Variants in GPC6 observed in about 807,000 individuals in gnomAD.
The protein encoded by GPC6 is glypican 6.
In GPC6, 14 loss-of-function variants were observed where a neutral mutation model predicts 55.2. The observed-to-expected ratio is 0.25, with a 90% CI of 0.17 to 0.40. The LOEUF (loss-of-function observed/expected upper bound fraction) is 0.40, where lower values mean the gene tolerates loss of function less well. Among genes scored for constraint, GPC6 ranks in the 10% least tolerant of loss-of-function variants. The pLI, the probability that GPC6 is intolerant of heterozygous loss-of-function variation, is 1.00. For synonymous variants in GPC6, 278 were observed against 259.6 expected (o/e 1.07, Z -0.68); for missense variants, 641 against 708.5 (o/e 0.90, Z 1.08).
At chr13:93,748,456 A>T (rs1367143905) in intron 2 of GPC6, among the ~76,000 whole-genome samples, 1 of 151,858 alleles carries the variant, frequency 6.6e-6, no homozygotes, top group Non-Finnish European at 1.5e-5. Flanking sequence ...TAAGTAATTT[A>T]AAAGTTTATC....
intron 2 of GPC6, among the ~76,000 whole-genome samples, chr13:93,687,190 T>G (rs1882081011): frequency 6.6e-6 from 1 of 152,134 alleles, no homozygotes; most frequent in Non-Finnish European, 1.5e-5. Context: ...TGTACTGAAT[T>G]ATCTTTCTTC....
intron 4 of GPC6, among the ~76,000 whole-genome samples, chr13:94,186,120 C>CAT (rs1889179073): frequency 7.2e-6 from 1 of 138,072 alleles, no homozygotes; most frequent in Non-Finnish European, 1.6e-5. Flanking sequence ...TATATGTTCA[C>CAT]ATAGACCTTT....
chr13:93,962,341 A>G (rs7323264), intron 3 of GPC6, among the ~76,000 whole-genome samples: 35,211 of 152,108 alleles, frequency 0.23, 4,630 homozygotes, highest in East Asian at 0.39. Context: ...GAATGGTCGC[A>G]TGAAAGGATA....
chr13:93,566,660 C>T (rs895838685), intron 2 of GPC6, among the ~76,000 whole-genome samples: 1 of 150,984 alleles, frequency 6.6e-6, no homozygotes, highest in African/African-American at 2.5e-5. Context: ...TGGTTTGCTG[C>T]AACCATCAAC....
At chr13:93,477,455 G>A (rs1387469064) in intron 1 of GPC6, among the ~76,000 whole-genome samples, 1 of 152,110 alleles carries the variant, frequency 6.6e-6, no homozygotes, top group Non-Finnish European at 1.5e-5. Flanking sequence ...GGTTTGGGCT[G>A]ATAGTAACAT....
chr13:93,972,836 T>G (rs890875017), intron 3 of GPC6, among the ~76,000 whole-genome samples: 1 of 152,054 alleles, frequency 6.6e-6, no homozygotes, highest in African/African-American at 2.4e-5. Context: ...CCAAAAAGCC[T>G]TGCATTTGTA....
chr13:93,639,529 G>C (rs1879823398), intron 2 of GPC6, among the ~76,000 whole-genome samples: 1 of 152,022 alleles, frequency 6.6e-6, no homozygotes, highest in African/African-American at 2.4e-5. Flanking sequence ...AAGTGTAAAA[G>C]CAAAAGGCTG....
chr13:94,175,237 G>A (rs1397039942), intron 4 of GPC6, among the ~76,000 whole-genome samples: 1 of 152,144 alleles, frequency 6.6e-6, no homozygotes, highest in Admixed American at 6.6e-5. Flanking sequence ...AAAGGGTCAG[G>A]TGGTAAATAT....
intron 3 of GPC6, among the ~76,000 whole-genome samples, chr13:94,022,307 C>A (rs1882727299): frequency 1.3e-5 from 2 of 151,906 alleles, no homozygotes; most frequent in Non-Finnish European, 2.9e-5. Flanking sequence ...ACCCTTTTTC[C>A]CCAGATGCCA....
chr13:94,086,271 G>A (rs1156875617), intron 4 of GPC6, among the ~76,000 whole-genome samples: 1 of 152,146 alleles, frequency 6.6e-6, no homozygotes, highest in Non-Finnish European at 1.5e-5. Flanking sequence ...TCTGTCTTGA[G>A]TGCTAGAGTA....
chr13:93,944,506 CCTT>C (rs1345933895), intron 3 of GPC6, among the ~76,000 whole-genome samples: 1 of 152,106 alleles, frequency 6.6e-6, no homozygotes, highest in Non-Finnish European at 1.5e-5. Flanking sequence ...ACCCAGCCCA[CCTT>C]CTTCTATCAC....
intron 3 of GPC6, among the ~76,000 whole-genome samples, chr13:93,839,427 A>T (rs1182172303): frequency 1.3e-5 from 2 of 152,136 alleles, no homozygotes; most frequent in African/African-American, 4.8e-5. Context: ...TGTGAGCGGC[A>T]TATTAGTTGT....
At chr13:93,956,091 A>G (rs1438202055) in intron 3 of GPC6, among the ~76,000 whole-genome samples, 4 of 152,070 alleles carry the variant, frequency 2.6e-5, no homozygotes, top group Non-Finnish European at 5.9e-5. Context: ...TAAAGCAAAT[A>G]TACAGCTCCC....
At chr13:93,748,533 TAA>T (rs1884476996) in intron 2 of GPC6, among the ~76,000 whole-genome samples, 1 of 152,250 alleles carries the variant, frequency 6.6e-6, no homozygotes, top group Non-Finnish European at 1.5e-5. Flanking sequence ...TATATTTTCT[TAA>T]GTTTTTATAA....
chr13:93,373,963 T>C (rs1874780851), intron 1 of GPC6, among the ~76,000 whole-genome samples: 2 of 152,190 alleles, frequency 1.3e-5, no homozygotes, highest in African/African-American at 2.4e-5. Context: ...CTGAGCCCTG[T>C]ATAGTGATTT....
At chr13:93,904,062 A>G (rs1272741293) in intron 3 of GPC6, among the ~76,000 whole-genome samples, 1 of 152,122 alleles carries the variant, frequency 6.6e-6, no homozygotes, top group Non-Finnish European at 1.5e-5. Flanking sequence ...ATGGATGACA[A>G]CAGGCTGCCC....
At chr13:94,278,368 CAT>C (rs1304938202) in intron 4 of GPC6, among the ~76,000 whole-genome samples, 1 of 152,132 alleles carries the variant, frequency 6.6e-6, no homozygotes, top group African/African-American at 2.4e-5. Flanking sequence ...AGTATAGAAT[CAT>C]GTCTTCTGCA....
chr13:93,693,710 C>T (rs1218482403), intron 2 of GPC6, among the ~76,000 whole-genome samples: 1 of 152,130 alleles, frequency 6.6e-6, no homozygotes, highest in East Asian at 1.9e-4. Context: ...TGGTCTTAAA[C>T]TCCTGGGTTC....
In GPC6 at chr13:93,858,918, G is replaced by T. The variant is rs1478968013; in HGVS notation, c.711+28373G>T. ...CTTCAAAGTAGAATAAAGGGAAAGA[G>T]GATTATTATCTAATACTATTAATAG... On this transcript the variant is annotated intron_variant, in intron 3 of 8. Transcript: ENST00000377047. Among the ~76,000 whole-genome samples the T allele has an allele frequency of 2.6e-5, 4 of 151,470 alleles. No homozygotes were observed. In the East Asian group the frequency reaches 5.9e-4, roughly 22 times the overall value.
Sources: allele counts gnomAD v4.1 joint callset (sites outside exome capture counted in the v4.1 genomes callset), GRCh38; gene constraint gnomAD v4.1.1; transcripts MANE v1.5; gene names NCBI Gene and HGNC (gene_info 2026-07-23, HGNC 2026-07-21).